Variants in ATXN10 observed in about 807,000 individuals in gnomAD.
ATXN10 encodes ataxin-10.
Under a neutral mutation model 52.9 loss-of-function variants are expected in ATXN10, and 28 were observed. That is an observed-to-expected ratio of 0.53 (90% CI 0.39 to 0.73). The LOEUF (loss-of-function observed/expected upper bound fraction) is 0.73. ATXN10 is among the 30% of genes least tolerant of loss of function. The probability of loss-of-function intolerance (pLI) is 0.00; values close to 1 mark genes in which losing one functional copy is unlikely to be tolerated. For missense variants in ATXN10, 565 were observed against 577.0 expected (o/e 0.98, Z 0.21); for synonymous variants, 226 against 221.5 (o/e 1.02, Z -0.18).
At chr22:45,697,479 C>G (rs1923657850) in intron 3 of ATXN10, among the ~76,000 whole-genome samples, 1 of 152,070 alleles carries the variant, frequency 6.6e-6, no homozygotes, top group Admixed American at 6.6e-5. Context: ...AGCAGCTGCT[C>G]TCTTTCCGCC....
In ATXN10 at chr22:45,750,939, G is replaced by GT. The variant is rs5845726; in HGVS notation, c.1173+10410dup. ...AATTCTTTCTTTCTTCTACTTTCCT[G>GT]TTTTTTTTTGAGACAGAGTCTTGCT... On this transcript the variant is annotated intron_variant, in intron 9 of 11. Coordinates refer to ENST00000252934, the MANE Select transcript of ATXN10 (RefSeq NM_013236.4). The surrounding 1 kb of genome is among the most constrained non-coding windows in gnomAD (Gnocchi z 4.2). Among the ~76,000 whole-genome samples the GT allele has an allele frequency of 0.58, 86,716 of 150,784 alleles. 26,162 individuals carry two copies. Among genetic ancestry groups the GT allele is most frequent in the East Asian group, 0.76 (3,896 of 5,136 alleles).
chr22:45,671,849 C>T lies in ATXN10; in HGVS notation c.-215C>T, dbSNP rs915236609. The T allele has an allele frequency of 6.8e-5, 29 of 426,980 alleles. No individual in the cohort carries two copies. Among genetic ancestry groups the T allele is most frequent in the Admixed American group, 2.7e-4 (6 of 22,120 alleles). The allele number at this position is 426,980 out of a possible 1,614,324, so 26.4% of individuals were successfully genotyped here. ...CCCCCGCGGCGCCGTCTCCTCCTCC[C>T]GCCTGAGGCGAGTCTGGGCTCAGCC... On this transcript the variant is annotated 5_prime_UTR_variant, in exon 1 of 12. Coordinates refer to ENST00000252934, the MANE Select transcript of ATXN10 (RefSeq NM_013236.4).
chr22:45,804,872 AT>A (rs1162480648), intron 9 of ATXN10, among the ~76,000 whole-genome samples: 2 of 152,048 alleles, frequency 1.3e-5, no homozygotes, highest in Non-Finnish European at 2.9e-5. Flanking sequence ...TTAACCTTCC[AT>A]TGTTTCTTGT....
intron 6 of ATXN10, among the ~76,000 whole-genome samples, chr22:45,722,864 C>T (rs1199214869): frequency 6.6e-6 from 1 of 151,976 alleles, no homozygotes; most frequent in Non-Finnish European, 1.5e-5. Context: ...AGTTGTAATC[C>T]ATCTGTTTTC....
rs866574825 is a variant in ATXN10, at chr22:45,835,708, T to A, written c.1238-7283T>A. On this transcript the variant is annotated intron_variant, in intron 10 of 11. Coordinates refer to ENST00000252934, the MANE Select transcript of ATXN10 (RefSeq NM_013236.4). The surrounding 1 kb of genome is among the most constrained non-coding windows in gnomAD (Gnocchi z 5.0). ...TTTCAGTGCAGGGGTGTTGCTGAGA[T>A]GGCTTTTTCCCTCCGGAAAGACTGA... Among the ~76,000 whole-genome samples, 1 of 152,200 alleles carries A rather than the reference T, an allele frequency of 6.6e-6. No homozygotes were observed. Among genetic ancestry groups the A allele is most frequent in the Non-Finnish European group, 1.5e-5 (1 of 68,022 alleles).
chr22:45,738,470 ACT>A (rs1925383894), intron 7 of ATXN10: 2 of 416,730 alleles, frequency 4.8e-6, no homozygotes, highest in Admixed American at 8.0e-5. Context: ...AACTTTTCTG[ACT>A]CTTTGCTCCA....
intron 9 of ATXN10, among the ~76,000 whole-genome samples, chr22:45,799,175 A>AT (rs1927851104): frequency 6.6e-6 from 1 of 151,954 alleles, no homozygotes; most frequent in South Asian, 2.1e-4. Flanking sequence ...GGTTCAAGAG[A>AT]TTCTCCTGCC....
rs531332919 is a variant in ATXN10, at chr22:45,701,865, A to G, written c.489-824A>G. Among the ~76,000 whole-genome samples, 1 of 152,312 alleles carries G rather than the reference A, an allele frequency of 6.6e-6. No individual in the cohort carries two copies. The highest frequency in any genetic ancestry group is 2.4e-5 in the African/African-American group (1 of 41,576). On this transcript the variant is annotated intron_variant, in intron 4 of 11. Coordinates refer to ENST00000252934, the MANE Select transcript of ATXN10 (RefSeq NM_013236.4). This position sits in a 1 kb window ranked among gnomAD's most constrained non-coding sequence, Gnocchi z 4.2. ...AGTCAGAGAAGTCTTAACAGTTTAC[A>G]TGTTGCTTTTAGATGATCTCATTTG...
intron 10 of ATXN10, among the ~76,000 whole-genome samples, chr22:45,832,799 TTAAG>T (rs1929036072): frequency 6.6e-6 from 1 of 152,242 alleles, no homozygotes; most frequent in Non-Finnish European, 1.5e-5. Context: ...TGTTAAAGTA[TTAAG>T]TTTCTGTAAT....
rs1926473941 is a variant in ATXN10, at chr22:45,763,544, C to T, written c.1173+23006C>T. Among the ~76,000 whole-genome samples the T allele has an allele frequency of 6.6e-6, 1 of 152,156 alleles. No homozygotes were observed. The highest frequency in any genetic ancestry group is 1.5e-5 in the Non-Finnish European group (1 of 68,014). On this transcript the variant is annotated intron_variant, in intron 9 of 11. Transcript: ENST00000252934. The surrounding 1 kb of genome is among the most constrained non-coding windows in gnomAD (Gnocchi z 6.9). ...GGTGTTTGCTCATCTCCTCACAGGT[C>T]TTTCCTGCCCCCTACCTGTTAAAAG...
intron 7 of ATXN10, among the ~76,000 whole-genome samples, chr22:45,735,131 G>A (rs1925242734): frequency 6.6e-6 from 1 of 151,848 alleles, no homozygotes; most frequent in African/African-American, 2.4e-5. Flanking sequence ...CACCCGCCTC[G>A]GGCTCCCAAA....
In ATXN10 at chr22:45,696,992, A is replaced by T. The variant is rs996918127; in HGVS notation, c.392-3290A>T. 5.3e-5 allele frequency among the ~76,000 whole-genome samples: 8 copies of T among 152,138 alleles called. No homozygotes were observed. The highest frequency in any genetic ancestry group is 8.8e-5 in the Non-Finnish European group (6 of 68,026). On this transcript the variant is annotated intron_variant, in intron 3 of 11. Coordinates refer to ENST00000252934, the MANE Select transcript of ATXN10 (RefSeq NM_013236.4). The surrounding 1 kb of genome is among the most constrained non-coding windows in gnomAD (Gnocchi z 4.7). The stretch of plus-strand genomic sequence containing the variant: ...GTTAGCTGTATTAAATGTTGTTCTT[A>T]ATTTAGGTAGTTGCATTTGTATGAG...
intron 10 of ATXN10, among the ~76,000 whole-genome samples, chr22:45,810,241 G>T (rs956538580): frequency 2.6e-5 from 4 of 152,128 alleles, no homozygotes; most frequent in African/African-American, 9.7e-5. Flanking sequence ...TCTGTTTGTG[G>T]ACTCTGCTTT....
rs191755570 is a variant in ATXN10, at chr22:45,822,765, G to A, written c.1237+15743G>A. ...TTGAACTCCTGACCTCAGGTGATCC[G>A]TCTGCCTTGGCCTCCCAAAGTGTTG... On this transcript the variant is annotated intron_variant, in intron 10 of 11. Coordinates refer to ENST00000252934, the MANE Select transcript of ATXN10 (RefSeq NM_013236.4). Among the ~76,000 whole-genome samples the A allele has an allele frequency of 1.3e-4, 20 of 152,044 alleles. 1 individual carries two copies. Among genetic ancestry groups the A allele is most frequent in the Admixed American group, 5.2e-4 (8 of 15,276 alleles).
At chr22:45,832,998 C>G (rs1929042501) in intron 10 of ATXN10, among the ~76,000 whole-genome samples, 1 of 152,144 alleles carries the variant, frequency 6.6e-6, no homozygotes, top group South Asian at 2.1e-4. Context: ...GAAGGTTGTC[C>G]TGACTTTAAA....
rs1927376018 is a variant in ATXN10, at chr22:45,787,967, A to G, written c.1174-18992A>G. Among the ~76,000 whole-genome samples the G allele has an allele frequency of 1.3e-5, 2 of 152,170 alleles. No homozygotes were observed. The highest frequency in any genetic ancestry group is 2.9e-5 in the Non-Finnish European group (2 of 68,024). Reference sequence around the variant, plus strand: ...TACAATATTTAGTGTGGGATTACTCAAATCTTTTGGTTGAGTAATACTTGG... The same window carrying G: ...TACAATATTTAGTGTGGGATTACTCGAATCTTTTGGTTGAGTAATACTTGG... On this transcript the variant is annotated intron_variant, in intron 9 of 11. Transcript: ENST00000252934. This position sits in a 1 kb window ranked among gnomAD's most constrained non-coding sequence, Gnocchi z 4.2.
intron 7 of ATXN10, among the ~76,000 whole-genome samples, chr22:45,734,234 A>C (rs1401504059): frequency 6.6e-6 from 1 of 152,228 alleles, no homozygotes; most frequent in African/African-American, 2.4e-5. Flanking sequence ...TCTAAGTTGC[A>C]CATCAGTGCA....
rs1331872005 is a variant in ATXN10, at chr22:45,738,742, T to C, written c.906T>C (p.Ala302=). The change falls in exon 8 of 12, where the codon GCT becomes GCC. Residue 302 remains alanine (A), a synonymous_variant. Coordinates refer to ENST00000252934, the MANE Select transcript of ATXN10 (RefSeq NM_013236.4). ...EEPPDDEEAL[A]TIRLLDVLCE... ...TCTTTTCTTTCTAGGAGGCACTGGC[T>C]ACAATTAGGCTTCTCGACGTCCTGT... is the stretch of plus-strand genomic sequence containing the variant. 2 of 1,613,904 alleles carry C rather than the reference T, an allele frequency of 1.2e-6. No individual in the cohort carries two copies. Among genetic ancestry groups the C allele is most frequent in the Non-Finnish European group, 1.7e-6 (2 of 1,179,920 alleles).
Position 45,795,780 on chromosome 22 carries a change from C to T in ATXN10, c.1174-11179C>T, listed in dbSNP as rs969430255. The stretch of plus-strand genomic sequence containing the variant: ...TTGTGAAGATTTCATGGACATTTAT[C>T]ACTTCCCTAATCAACACTCTTATAA... On this transcript the variant is annotated intron_variant, in intron 9 of 11. Coordinates refer to ENST00000252934, the MANE Select transcript of ATXN10 (RefSeq NM_013236.4). The surrounding 1 kb of genome is among the most constrained non-coding windows in gnomAD (Gnocchi z 4.6). Among the ~76,000 whole-genome samples the T allele has an allele frequency of 6.6e-6, 1 of 152,194 alleles. No homozygotes were observed. Among genetic ancestry groups the T allele is most frequent in the African/African-American group, 2.4e-5 (1 of 41,450 alleles).
Sources: allele counts gnomAD v4.1 joint callset (sites outside exome capture counted in the v4.1 genomes callset), GRCh38; gene constraint gnomAD v4.1.1; non-coding constraint Gnocchi (gnomAD v3.1); transcripts MANE v1.5; gene names NCBI Gene and HGNC (gene_info 2026-07-23, HGNC 2026-07-21).